The following NDRG3 variants were observed in gnomAD, a reference collection of about 807,000 sequenced individuals.
NDRG3 encodes protein NDRG3.
In NDRG3, 23 loss-of-function variants were observed where a neutral mutation model predicts 57.2. The ratio of observed to expected loss-of-function variants is 0.40; its 90% CI spans 0.29 to 0.57. The LOEUF (loss-of-function observed/expected upper bound fraction) is 0.57, where lower values mean the gene tolerates loss of function less well. Among genes scored for constraint, NDRG3 ranks in the 20% least tolerant of loss-of-function variants. NDRG3 has a pLI of 0.42. For missense variants in NDRG3, 384 were observed against 457.3 expected, an observed-to-expected ratio of 0.84 and a Z score of 1.46; for synonymous variants, 132 against 162.6, an observed-to-expected ratio of 0.81 and a Z score of 1.43.
In NDRG3 at chr20:36,671,323, G is replaced by T. The variant is rs183892594; in HGVS notation, c.588+18C>A. ...CAAGCCAATAAACACAGCTCTTCTG[G>T]GTGGAACAGGTACTTACCTGCCCAA... On this transcript the variant is annotated intron_variant, in intron 9 of 15. Transcript: ENST00000349004. The T allele has an allele frequency of 6.2e-7, 1 of 1,605,040 alleles. No individual in the cohort carries two copies. The highest frequency in any genetic ancestry group is 1.3e-5 in the African/African-American group (1 of 74,738).
At chr20:36,738,969 C>A (rs1248301321) in intron 1 of NDRG3, among the ~76,000 whole-genome samples, 1 of 146,814 alleles carries the variant, frequency 6.8e-6, no homozygotes, top group African/African-American at 2.5e-5. Context: ...ACTAAAAATA[C>A]AAAAATTAGT....
At chr20:36,712,573 A>T (rs1983964186) in intron 2 of NDRG3, among the ~76,000 whole-genome samples, 1 of 12,452 alleles carries the variant, frequency 8.0e-5, no homozygotes, top group Non-Finnish European at 1.8e-4. Flanking sequence ...ATATATATAT[A>T]TATATATATA....
intron 3 of NDRG3, among the ~76,000 whole-genome samples, chr20:36,697,538 C>G (rs1475217190): frequency 6.6e-6 from 1 of 152,134 alleles, no homozygotes; most frequent in Non-Finnish European, 1.5e-5. Context: ...GAAACCCCAT[C>G]TCTACTAAAA....
rs1422475228 is a variant in NDRG3 at position 36,733,166 on chromosome 20, AAAAAAATATATATATATATATATATAT to A, written c.-48-11410_-48-11384del. On this transcript the variant is annotated intron_variant, in intron 1 of 15. Coordinates refer to ENST00000349004, the MANE Select transcript of NDRG3 (RefSeq NM_032013.4). ...TGTCTCAAAAAAAAAAAAAAAAAAA[AAAAAAATATATATATATATATATATAT>A]ATATATATATGCACATATAAATTTC... Among the ~76,000 whole-genome samples the A allele has an allele frequency of 5.1e-5, 4 of 77,692 alleles. 1 individual carries two copies. Among genetic ancestry groups the A allele is most frequent in the Admixed American group, 3.0e-4 (2 of 6,566 alleles). 51.0% of individuals were successfully genotyped at this position (77,692 alleles called of 152,430 possible). A position where few individuals can be genotyped will look rare whatever the true frequency, so the allele number is the denominator to read the frequency against.
At chr20:36,657,103 T>C (rs1978741259) in intron 13 of NDRG3, among the ~76,000 whole-genome samples, 1 of 152,210 alleles carries the variant, frequency 6.6e-6, no homozygotes, top group Admixed American at 6.5e-5. Flanking sequence ...TAGTGTGCCC[T>C]GGAATTACCT....
chr20:36,732,977 T>C (rs575571532), intron 1 of NDRG3, among the ~76,000 whole-genome samples: 2 of 151,062 alleles, frequency 1.3e-5, no homozygotes, highest in Non-Finnish European at 2.9e-5. Flanking sequence ...CAAGACCCTG[T>C]GTCTATAAAA....
intron 12 of NDRG3, 51 bp downstream of exon 12, chr20:36,664,995 T>A: frequency 6.3e-7 from 1 of 1,579,392 alleles, no homozygotes; most frequent in South Asian, 1.1e-5. Flanking sequence ...GGCCTACACA[T>A]TTTATTACAT....
intron 1 of NDRG3, among the ~76,000 whole-genome samples, chr20:36,736,149 C>CT (rs1432412235): frequency 6.6e-6 from 1 of 152,138 alleles, no homozygotes; most frequent in African/African-American, 2.4e-5. Flanking sequence ...AGAAGCTTAA[C>CT]TTTTTTCAGT....
chr20:36,693,145 C>CATAT (rs1982466670), intron 3 of NDRG3, among the ~76,000 whole-genome samples: 1 of 74,406 alleles, frequency 1.3e-5, no homozygotes, highest in South Asian at 4.7e-4. Context: ...TATATATACA[C>CATAT]ACACACACAT....
intron 1 of NDRG3, among the ~76,000 whole-genome samples, chr20:36,731,504 C>A (rs1453764476): frequency 6.6e-6 from 1 of 152,080 alleles, no homozygotes; most frequent in Non-Finnish European, 1.5e-5. Context: ...ATGTACATCA[C>A]TTTTTAGAAA....
Position 36,700,549 on chromosome 20 carries a change from C to G in NDRG3, c.93+6423G>C. The stretch of plus-strand genomic sequence containing the variant: ...CTGGCTAAGGAGCTGATTCAGTTGT[C>G]AGGCCACTGCAGGGAGTAACGTGCT... On this transcript the variant is annotated intron_variant, in intron 3 of 15. Coordinates refer to ENST00000349004, the MANE Select transcript of NDRG3 (RefSeq NM_032013.4). 5.8e-6 allele frequency: 3 copies of G among 517,574 alleles called. 1 individual carries two copies. Among genetic ancestry groups the G allele is most frequent in the South Asian group, 4.4e-5 (3 of 68,040 alleles). 32.1% of individuals were successfully genotyped at this position (517,574 alleles called of 1,614,324 possible).
chr20:36,693,108 ATAT>A (rs2148133655), intron 3 of NDRG3, among the ~76,000 whole-genome samples: 3 of 26,698 alleles, frequency 1.1e-4, no homozygotes, highest in African/African-American at 4.1e-4. Context: ...AAAAAAAAAT[ATAT>A]ATATATATAT....
At position 36,662,007 on chromosome 20, in the gene NDRG3, T is replaced by C. The variant is rs1373115524; in HGVS notation, c.811-1623A>G. Among the ~76,000 whole-genome samples the C allele has an allele frequency of 3.9e-5, 6 of 152,194 alleles. No homozygotes were observed. The East Asian group carries it at 1.2e-3, about 29-fold the overall frequency. ...TACCCGTTCACTACAGAATGCGCAT[T>C]AACTCTAAAAGGTAGAATTTAAAAA... On this transcript the variant is annotated intron_variant, in intron 12 of 15. Transcript: ENST00000349004.
At chr20:36,656,233 C>A in intron 15 of NDRG3, 127 bp downstream of exon 15, 1 of 758,798 alleles carries the variant, frequency 1.3e-6, no homozygotes, top group Admixed American at 2.8e-5. Flanking sequence ...ATAAACATTT[C>A]AGTTTCTACT....
intron 8 of NDRG3, among the ~76,000 whole-genome samples, chr20:36,676,323 T>C (rs943179977): frequency 6.6e-6 from 1 of 152,224 alleles, no homozygotes; most frequent in African/African-American, 2.4e-5. Context: ...AAACCTTAAT[T>C]TTCTCTCTGG....
At chr20:36,694,299 A>T (rs1453341262) in intron 3 of NDRG3, among the ~76,000 whole-genome samples, 1 of 152,214 alleles carries the variant, frequency 6.6e-6, no homozygotes, top group East Asian at 1.9e-4. Context: ...TTTTCTAAAA[A>T]TGTTTCTATA....
chr20:36,694,674 C>T (rs1982622896), intron 3 of NDRG3, among the ~76,000 whole-genome samples: 1 of 152,138 alleles, frequency 6.6e-6, no homozygotes, highest in South Asian at 2.1e-4. Flanking sequence ...CCTGTGAAGT[C>T]ATATACAACA....
At chr20:36,688,932 G>C (rs958153550) in intron 3 of NDRG3, 148 bp from the exon 4 acceptor site, 1 of 646,630 alleles carries the variant, frequency 1.5e-6, no homozygotes, top group Non-Finnish European at 2.8e-6. Context: ...GGTGGTTCAC[G>C]CCTGTAATCC....
intron 2 of NDRG3, among the ~76,000 whole-genome samples, chr20:36,716,315 T>C (rs1375348708): frequency 1.3e-5 from 2 of 151,962 alleles, no homozygotes; most frequent in African/African-American, 2.4e-5. Context: ...GACGGATCAC[T>C]TGAAGTCAGG....
Sources: allele counts gnomAD v4.1 joint callset (sites outside exome capture counted in the v4.1 genomes callset), GRCh38; gene constraint gnomAD v4.1.1; transcripts MANE v1.5; gene names NCBI Gene and HGNC (gene_info 2026-07-23, HGNC 2026-07-21).